The following IPO11 variants were observed in gnomAD, a reference collection of about 807,000 sequenced individuals.
The protein encoded by IPO11 is importin-11.
A neutral mutation model predicts 143.2 loss-of-function variants in IPO11; 66 were observed. The ratio of observed to expected loss-of-function variants is 0.46; its 90% CI spans 0.38 to 0.57. The LOEUF (loss-of-function observed/expected upper bound fraction) is 0.57, where lower values mean the gene tolerates loss of function less well. IPO11 is among the 20% of genes least tolerant of loss of function. IPO11 has a pLI of 0.00. For synonymous variants in IPO11, 385 were observed against 377.8 expected, an observed-to-expected ratio of 1.02 and a Z score of -0.22; for missense variants, 1,026 against 1,141.0, an observed-to-expected ratio of 0.90 and a Z score of 1.45.
intron 22 of IPO11, among the ~76,000 whole-genome samples, chr5:62,536,501 G>A (rs960658761): frequency 7.2e-5 from 11 of 152,040 alleles, no homozygotes; most frequent in Admixed American, 5.2e-4. Context: ...GTGCAGTGGC[G>A]TGATCATTGG....
At chr5:62,610,664 GATA>G (rs1363053289) in intron 29 of IPO11, among the ~76,000 whole-genome samples, 3 of 152,152 alleles carry the variant, frequency 2.0e-5, no homozygotes, top group Non-Finnish European at 2.9e-5. Flanking sequence ...ATAATCAAGT[GATA>G]ATAATCAAAT....
intron 1 of IPO11, among the ~76,000 whole-genome samples, chr5:62,435,070 A>ACGTATATATATG (rs1561308652): frequency 5.3e-5 from 6 of 113,602 alleles, no homozygotes; most frequent in African/African-American, 1.8e-4. Flanking sequence ...ATGTATATAT[A>ACGTATATATATG]TGTATATATA....
intron 26 of IPO11, among the ~76,000 whole-genome samples, chr5:62,553,557 A>G (rs1743467305): frequency 6.6e-6 from 1 of 152,016 alleles, no homozygotes; most frequent in Non-Finnish European, 1.5e-5. Context: ...TAGTTTTTTG[A>G]GGAAACTCAT....
At chr5:62,574,430 G>T (rs1744246039) in intron 27 of IPO11, among the ~76,000 whole-genome samples, 1 of 152,180 alleles carries the variant, frequency 6.6e-6, no homozygotes, top group African/African-American at 2.4e-5. Context: ...GCACGAAAGA[G>T]AAATTCTAAT....
intron 28 of IPO11, among the ~76,000 whole-genome samples, chr5:62,593,512 A>G (rs1339882625): frequency 6.6e-6 from 1 of 152,134 alleles, no homozygotes; most frequent in Admixed American, 6.6e-5. Context: ...CAACAAAAAA[A>G]GTGGAGTGAC....
intron 27 of IPO11, chr5:62,579,573 C>G: frequency 6.4e-7 from 1 of 1,551,170 alleles, no homozygotes; most frequent in Non-Finnish European, 8.7e-7. Context: ...GACAAATTAA[C>G]TGCCGTAACT....
intron 27 of IPO11, among the ~76,000 whole-genome samples, chr5:62,581,985 C>T (rs998220354): frequency 1.8e-4 from 27 of 152,106 alleles, no homozygotes; most frequent in African/African-American, 6.5e-4. Context: ...AGAAGAAAAC[C>T]TGCTGCTTTT....
intron 9 of IPO11, among the ~76,000 whole-genome samples, chr5:62,482,865 G>A (rs1482492188): frequency 6.6e-6 from 1 of 151,892 alleles, no homozygotes; most frequent in Non-Finnish European, 1.5e-5. Context: ...GTCTGTTTTG[G>A]TTTCTGTATT....
intron 2 of IPO11, among the ~76,000 whole-genome samples, chr5:62,439,463 A>C (rs1476821125): frequency 6.6e-6 from 1 of 151,010 alleles, no homozygotes; most frequent in Non-Finnish European, 1.5e-5. Flanking sequence ...ATTTTTTTGT[A>C]TTTTTAGTAG....
At chr5:62,575,306 C>G (rs1423827754) in intron 27 of IPO11, among the ~76,000 whole-genome samples, 1 of 152,206 alleles carries the variant, frequency 6.6e-6, no homozygotes, top group Non-Finnish European at 1.5e-5. Flanking sequence ...GCGTGATACA[C>G]ATTTTCTGTC....
intron 29 of IPO11, among the ~76,000 whole-genome samples, chr5:62,603,019 A>G (rs1745563463): frequency 1.3e-5 from 2 of 152,198 alleles, no homozygotes; most frequent in African/African-American, 2.4e-5. Flanking sequence ...TGTACATATA[A>G]TAAGTCCTCA....
At chr5:62,602,325 A>C (rs1189048983) in intron 29 of IPO11, among the ~76,000 whole-genome samples, 2 of 151,682 alleles carry the variant, frequency 1.3e-5, no homozygotes, top group African/African-American at 4.8e-5. Flanking sequence ...AGGGGAAAAG[A>C]ACAAAAAAAA....
At chr5:62,524,576 C>G (rs909059821) in intron 20 of IPO11, among the ~76,000 whole-genome samples, 3 of 152,072 alleles carry the variant, frequency 2.0e-5, no homozygotes, top group African/African-American at 7.2e-5. Flanking sequence ...ATGTACTACT[C>G]TGTTAAATAA....
chr5:62,425,226 G>A (rs1233140523), intron 1 of IPO11, among the ~76,000 whole-genome samples: 2 of 152,116 alleles, frequency 1.3e-5, no homozygotes, highest in Non-Finnish European at 2.9e-5. Flanking sequence ...AAAGTTCCTC[G>A]CTTCCTCCAA....
chr5:62,534,590 C>T (rs1274614999), intron 22 of IPO11, among the ~76,000 whole-genome samples: 1 of 152,058 alleles, frequency 6.6e-6, no homozygotes, highest in African/African-American at 2.4e-5. Flanking sequence ...ACAGGTTTAC[C>T]TTAGAGTTCT....
intron 9 of IPO11, 78 bp downstream of exon 9, chr5:62,476,831 C>A (rs927299860): frequency 2.2e-6 from 3 of 1,352,130 alleles, no homozygotes; most frequent in Non-Finnish European, 2.9e-6. Flanking sequence ...ATTTTTATAA[C>A]CATACATTTT....
chr5:62,554,971 T>G (rs1743521743), intron 26 of IPO11, among the ~76,000 whole-genome samples: 1 of 152,238 alleles, frequency 6.6e-6, no homozygotes, highest in African/African-American at 2.4e-5. Context: ...TGCACTGGAC[T>G]CCCAAAGTAC....
intron 29 of IPO11, among the ~76,000 whole-genome samples, chr5:62,619,742 A>G (rs550486599): frequency 1.3e-5 from 2 of 152,008 alleles, no homozygotes; most frequent in East Asian, 3.9e-4. Context: ...AGTCCCACCT[A>G]GTCGGGAGGC....
chr5:62,412,951 C>T (rs1743167304), intron 1 of IPO11, 22 bp downstream of exon 1: 1 of 152,402 alleles, frequency 6.6e-6, no homozygotes, highest in South Asian at 2.1e-4. Context: ...GCCCGAGAGC[C>T]ACCGAGCGCG....
Sources: allele counts gnomAD v4.1 joint callset (sites outside exome capture counted in the v4.1 genomes callset), GRCh38; gene constraint gnomAD v4.1.1; transcripts MANE v1.5; gene names NCBI Gene and HGNC (gene_info 2026-07-23, HGNC 2026-07-21).